TRIO: variants seen among roughly 807,000 people sequenced by gnomAD.
TRIO encodes the protein trio Rho guanine nucleotide exchange factor.
Under a neutral mutation model 351.9 loss-of-function variants are expected in TRIO, and 58 were observed. The observed-to-expected ratio is 0.16, with a 90% CI of 0.13 to 0.21. TRIO has a LOEUF of 0.21. Ranked by LOEUF, TRIO falls within the 10% of genes least tolerant of loss-of-function variation. TRIO has a pLI of 1.00. For missense variants in TRIO, 3,201 were observed against 4,027.8 expected, an observed-to-expected ratio of 0.79 and a Z score of 5.56; for synonymous variants, 1,758 against 1,595.7, an observed-to-expected ratio of 1.10 and a Z score of -2.42.
rs1223367058 is a variant in TRIO at position 14,394,816 on chromosome 5, AT to A, written c.4311+689del. 2.6e-5 allele frequency among the ~76,000 whole-genome samples: 4 copies of A among 152,310 alleles called. No individual in the cohort carries two copies. In the East Asian group the frequency reaches 7.7e-4, roughly 29 times the overall value. On this transcript the variant is annotated intron_variant, in intron 28 of 56. Transcript: ENST00000344204. Reference sequence around the variant, plus strand: ...AATAGAAAGGTAAACAAAACTTAGAATTTGTGCTAAGAGTTGTCACAAAATG... The same window carrying A: ...AATAGAAAGGTAAACAAAACTTAGAATTGTGCTAAGAGTTGTCACAAAATG...
intron 34 of TRIO, among the ~76,000 whole-genome samples, chr5:14,433,919 T>C (rs142202246): frequency 7.2e-5 from 11 of 152,254 alleles, no homozygotes; most frequent in Non-Finnish European, 1.0e-4. Context: ...ATAGAAAGAC[T>C]TCAGGTCCTT....
chr5:14,440,219 T>C lies in TRIO; in HGVS notation c.5203+20198T>C, dbSNP rs140038104. ...TTAAGGTTCAACAAAGAACACTTCC[T>C]CAAAGAAATTGTAAGCAGCTCAGAG... On this transcript the variant is annotated intron_variant, in intron 34 of 56. Transcript: ENST00000344204. Among the ~76,000 whole-genome samples, 354 of 152,292 alleles carry C rather than the reference T, an allele frequency of 2.3e-3. 2 individuals carry two copies. The highest frequency in any genetic ancestry group is 3.6e-3 in the Non-Finnish European group (248 of 68,028).
intron 11 of TRIO, among the ~76,000 whole-genome samples, chr5:14,344,210 G>C (rs1392354540): frequency 6.6e-6 from 1 of 152,038 alleles, no homozygotes; most frequent in Non-Finnish European, 1.5e-5. Context: ...ATCAGCCCCT[G>C]TGTGACTGAG....
intron 11 of TRIO, 97 bp from the exon 12 acceptor site, chr5:14,358,081 T>C (rs1743796599): frequency 7.0e-7 from 1 of 1,433,692 alleles, no homozygotes; most frequent in South Asian, 1.4e-5. Context: ...CCAGGGCAAG[T>C]CACACACCGT....
chr5:14,476,359 G>A lies in TRIO; in HGVS notation c.6084-535G>A, dbSNP rs1165530010. 3.3e-5 allele frequency among the ~76,000 whole-genome samples: 5 copies of A among 152,198 alleles called. No homozygotes were observed. In the East Asian group the frequency reaches 9.6e-4, roughly 29 times the overall value. Reference sequence around the variant, plus strand: ...CACCAGCCAAGGGATATACAGTCGTGCCTCATCTTCTGTGCCTTTGTATTC... The same window carrying A: ...CACCAGCCAAGGGATATACAGTCGTACCTCATCTTCTGTGCCTTTGTATTC... On this transcript the variant is annotated intron_variant, in intron 40 of 56. Transcript: ENST00000344204.
At position 14,253,155 on chromosome 5, in the gene TRIO, G is replaced by A. The variant is rs558407035; in HGVS notation, c.158-17670G>A. 2.4e-4 allele frequency among the ~76,000 whole-genome samples: 37 copies of A among 152,330 alleles called. No homozygotes were observed. In the South Asian group the frequency reaches 7.0e-3, roughly 29 times the overall value. On this transcript the variant is annotated intron_variant, in intron 1 of 56. Coordinates refer to ENST00000344204, the MANE Select transcript of TRIO (RefSeq NM_007118.4). ...TGCTGATTTCAAAGAGGACAGGAGTGCTGCACTTGCCACATGCACCACGGT... is the reference window on the plus strand; with the variant it reads ...TGCTGATTTCAAAGAGGACAGGAGTACTGCACTTGCCACATGCACCACGGT...
intron 30 of TRIO, 63 bp from the exon 31 acceptor site, chr5:14,400,900 C>T (rs1312152122): frequency 1.3e-6 from 2 of 1,507,134 alleles, no homozygotes; most frequent in Non-Finnish European, 1.8e-6. Context: ...TTTCCTTGGT[C>T]TCTGTTCTGC....
Position 14,385,152 on chromosome 5 carries a change from G to T in TRIO, c.3571-2286G>T, listed in dbSNP as rs532789231. ...AGTGGAGCAGGGCAGCCCCTCAGAG[G>T]CCTCCGGTGGCATCTTCCTGCCCCC... is the stretch of plus-strand genomic sequence containing the variant. On this transcript the variant is annotated intron_variant, in intron 21 of 56. Coordinates refer to ENST00000344204, the MANE Select transcript of TRIO (RefSeq NM_007118.4). 2.8e-4 allele frequency among the ~76,000 whole-genome samples: 42 copies of T among 152,332 alleles called. No individual in the cohort carries two copies. The South Asian group carries it at 3.5e-3, about 13-fold the overall frequency.
intron 1 of TRIO, among the ~76,000 whole-genome samples, chr5:14,189,234 A>C (rs551991592): frequency 1.6e-4 from 24 of 152,326 alleles, no homozygotes; most frequent in African/African-American, 5.3e-4. Context: ...TTGGTACCTG[A>C]CTGTCCTGTA....
At chr5:14,325,172 T>C (rs972397892) in intron 9 of TRIO, among the ~76,000 whole-genome samples, 1 of 152,232 alleles carries the variant, frequency 6.6e-6, no homozygotes, top group Admixed American at 6.5e-5. Flanking sequence ...ACATTGGTTT[T>C]CACATCGTAT....
chr5:14,270,771 AT>A, intron 1 of TRIO, 53 bp from the exon 2 acceptor site: 1 of 1,437,334 alleles, frequency 7.0e-7, no homozygotes, highest in Non-Finnish European at 9.8e-7. Context: ...TGGTTAAGGA[AT>A]TAACTGTCAC....
intron 34 of TRIO, among the ~76,000 whole-genome samples, chr5:14,443,455 G>C (rs1324342512): frequency 3.3e-5 from 5 of 152,158 alleles, no homozygotes; most frequent in Non-Finnish European, 7.4e-5. Context: ...AATTGATTAT[G>C]GGGAAATACA....
chr5:14,382,498 C>G (rs1746194433), intron 21 of TRIO, among the ~76,000 whole-genome samples: 1 of 152,072 alleles, frequency 6.6e-6, no homozygotes. Flanking sequence ...GGGGGCGCAG[C>G]AAGAAGACCC....
intron 34 of TRIO, among the ~76,000 whole-genome samples, chr5:14,432,510 C>T (rs756541096): frequency 3.3e-5 from 5 of 152,210 alleles, no homozygotes; most frequent in Non-Finnish European, 7.3e-5. Flanking sequence ...AACATTTCGT[C>T]TCTATGAAAA....
At chr5:14,313,637 T>C (rs997973307) in intron 8 of TRIO, among the ~76,000 whole-genome samples, 4 of 152,228 alleles carry the variant, frequency 2.6e-5, no homozygotes, top group Admixed American at 6.5e-5. Context: ...GTGGTAGCTC[T>C]ATTAGTAAGA....
At chr5:14,246,799 C>G (rs541856109) in intron 1 of TRIO, among the ~76,000 whole-genome samples, 2 of 152,358 alleles carry the variant, frequency 1.3e-5, no homozygotes, top group African/African-American at 4.8e-5. Context: ...CTGCTTCTGT[C>G]TCTGCACCTG....
intron 30 of TRIO, 50 bp from the exon 31 acceptor site, chr5:14,400,913 C>T (rs1748021900): frequency 1.9e-6 from 3 of 1,567,642 alleles, no homozygotes; most frequent in Non-Finnish European, 2.6e-6. Flanking sequence ...TGTTCTGCAT[C>T]CTTCTAGAAT....
intron 48 of TRIO, chr5:14,490,738 T>G (rs1756422083): frequency 2.2e-6 from 1 of 453,190 alleles, no homozygotes; most frequent in South Asian, 1.6e-5. Context: ...CAGAAAATAC[T>G]AATAGTTAGG....
chr5:14,359,440 C>T lies in TRIO; in HGVS notation c.2300C>T (p.Ala767Val), dbSNP rs781377350. ...IETVLQQLDEAQSQMEELFQE... is the reference protein window; with the variant it reads ...IETVLQQLDEVQSQMEELFQE... Reference sequence around the variant, plus strand: ...ACGGTGCTGCAGCAGCTGGACGAGGCGCAGTCGCAGATGGAGGAGCTCTTC... The same window carrying T: ...ACGGTGCTGCAGCAGCTGGACGAGGTGCAGTCGCAGATGGAGGAGCTCTTC... The change falls in exon 13 of 57, where the codon GCG (alanine) becomes GTG (valine). Residue 767 changes from alanine (A) to valine (V), a missense_variant. Around this residue, in one of 19 missense-constraint regions of TRIO, gnomAD observed 363 missense variants for 553.5 expected, o/e 0.66. Coordinates refer to ENST00000344204, the MANE Select transcript of TRIO (RefSeq NM_007118.4). 2.1e-5 allele frequency: 34 copies of T among 1,614,262 alleles called. No individual in the cohort carries two copies. The highest frequency in any genetic ancestry group is 3.3e-5 in the Admixed American group (2 of 60,030).
Sources: gnomAD v4.1 joint callset for allele counts (sites outside exome capture counted in the v4.1 genomes callset) on GRCh38, gnomAD v4.1.1 for gene constraint, gnomAD v4.1.1 regional missense constraint, MANE v1.5 for transcripts, NCBI Gene and HGNC (gene_info 2026-07-23, HGNC 2026-07-21) for gene names.